MED12L: variants seen among roughly 807,000 people sequenced by gnomAD.
The protein encoded by MED12L is mediator of RNA polymerase II transcription subunit 12-like protein.
Under a neutral mutation model 281.3 loss-of-function variants are expected in MED12L, and 60 were observed. That is an observed-to-expected ratio of 0.21 (90% CI 0.17 to 0.26). The LOEUF is 0.26. MED12L is among the 10% of genes least tolerant of loss of function. The probability of loss-of-function intolerance (pLI) is 1.00; values close to 1 mark genes in which losing one functional copy is unlikely to be tolerated. For missense variants in MED12L, 2,146 were observed against 2,680.9 expected (o/e 0.80, Z 4.41); for synonymous variants, 974 against 987.2 (o/e 0.99, Z 0.25).
chr3:151,399,783 A>T (rs1715432672), intron 39 of MED12L, among the ~76,000 whole-genome samples: 1 of 151,794 alleles, frequency 6.6e-6, no homozygotes, highest in African/African-American at 2.4e-5. Context: ...TCTATCGATC[A>T]TCTAGGGAAG....
At chr3:151,136,650 C>A (rs916693925) in intron 5 of MED12L, among the ~76,000 whole-genome samples, 5 of 152,168 alleles carry the variant, frequency 3.3e-5, no homozygotes, top group Non-Finnish European at 5.9e-5. Context: ...AAAGTTTTAA[C>A]ATCTGTTGAT....
rs143566668 is a variant in MED12L, at chr3:151,405,279, T to C, written c.5821-3964T>C. On this transcript the variant is annotated intron_variant, in intron 39 of 44. Transcript: ENST00000687756. ...AAGTAAAGAGACCATGTGTAGGAATTTACCTCAGGTAGCAATGTAGAGATG... is the reference window on the plus strand; with the variant it reads ...AAGTAAAGAGACCATGTGTAGGAATCTACCTCAGGTAGCAATGTAGAGATG... Among the ~76,000 whole-genome samples the C allele has an allele frequency of 3.3e-3, 505 of 152,302 alleles. 2 individuals carry two copies. Among genetic ancestry groups the C allele is most frequent in the African/African-American group, 0.012 (492 of 41,574 alleles).
At chr3:151,106,299 CCTTTT>C in intron 2 of MED12L, among the ~76,000 whole-genome samples, 1 of 110,054 alleles carries the variant, frequency 9.1e-6, no homozygotes, top group Non-Finnish European at 1.7e-5. Flanking sequence ...TTTTCCTTTT[CCTTTT>C]CCTTCTCCCC....
chr3:151,130,877 A>G (rs920726636), intron 5 of MED12L, among the ~76,000 whole-genome samples: 19 of 152,174 alleles, frequency 1.2e-4, no homozygotes, highest in African/African-American at 4.3e-4. Flanking sequence ...ATCTGTCTAC[A>G]TCCACTCCCA....
At chr3:151,242,255 A>G (rs1396795901) in intron 16 of MED12L, among the ~76,000 whole-genome samples, 1 of 152,236 alleles carries the variant, frequency 6.6e-6, no homozygotes, top group Non-Finnish European at 1.5e-5. Flanking sequence ...GGAAGCTCAA[A>G]CTGGGCGGAG....
At chr3:151,106,749 T>A (rs1722123947) in intron 2 of MED12L, among the ~76,000 whole-genome samples, 1 of 152,218 alleles carries the variant, frequency 6.6e-6, no homozygotes, top group South Asian at 2.1e-4. Flanking sequence ...ATTGACCTTT[T>A]TATCATTATG....
intron 16 of MED12L, chr3:151,278,437 G>A (rs753311026): frequency 5.3e-5 from 8 of 152,132 alleles, no homozygotes; most frequent in Non-Finnish European, 8.8e-5. Flanking sequence ...CAAGATAGTG[G>A]GTCCCTCTGC....
chr3:151,370,625 G>A (rs535650922), intron 26 of MED12L, among the ~76,000 whole-genome samples: 70 of 152,264 alleles, frequency 4.6e-4, no homozygotes, highest in African/African-American at 1.6e-3. Context: ...ATTTCAGTGA[G>A]TAGAATTTCC....
chr3:151,214,150 A>G lies in MED12L; in HGVS notation c.2250+20484A>G, dbSNP rs773712406. On this transcript the variant is annotated intron_variant, in intron 16 of 44. Coordinates refer to ENST00000687756, the MANE Select transcript of MED12L (RefSeq NM_001393769.1). The stretch of plus-strand genomic sequence containing the variant: ...AACAATGTTCTTGAGATAGATGATG[A>G]AACTCTTAGAGCTGGGCACGTAAAA... 2.5e-6 allele frequency: 4 copies of G among 1,614,184 alleles called. No individual in the cohort carries two copies. In the South Asian group the frequency reaches 3.3e-5, roughly 13 times the overall value.
chr3:151,147,711 A>G (rs1310664530), intron 5 of MED12L, among the ~76,000 whole-genome samples: 1 of 152,224 alleles, frequency 6.6e-6, no homozygotes, highest in Non-Finnish European at 1.5e-5. Context: ...TTAGGGCCGA[A>G]TGGTGTTCCA....
At position 151,394,680 on chromosome 3, in the gene MED12L, G is replaced by T. The variant is rs1560120694; in HGVS notation, c.5633G>T (p.Gly1878Val). The stretch of plus-strand genomic sequence containing the variant: ...GGTGGCTCCAGATTGGACCCTGCAG[G>T]CTCCTTTGTCCCAACCAACACCAAA... ...TPGGSRLDPA[G>V]SFVPTNTKQA... The change falls in exon 39 of 45, where the codon GGC becomes GTC. Residue 1878 changes from glycine (G) to valine (V), a missense_variant. Transcript: ENST00000687756. 1.9e-6 allele frequency: 3 copies of T among 1,614,248 alleles called. No individual in the cohort carries two copies. Among genetic ancestry groups the T allele is most frequent in the East Asian group, 2.2e-5 (1 of 44,892 alleles).
At chr3:151,333,304 C>CCTT (rs1238380015) in intron 16 of MED12L, among the ~76,000 whole-genome samples, 1 of 152,162 alleles carries the variant, frequency 6.6e-6, no homozygotes, top group Non-Finnish European at 1.5e-5. Flanking sequence ...TGTTTTAAGT[C>CCTT]CTTTGAGAAA....
intron 16 of MED12L, among the ~76,000 whole-genome samples, chr3:151,325,217 A>T (rs928805738): frequency 6.6e-6 from 1 of 152,148 alleles, no homozygotes; most frequent in Non-Finnish European, 1.5e-5. Flanking sequence ...TCTCTGCCTC[A>T]TCCTTTCCAC....
chr3:151,103,322 A>C (rs752704839), intron 2 of MED12L, among the ~76,000 whole-genome samples: 1 of 152,222 alleles, frequency 6.6e-6, no homozygotes, highest in Non-Finnish European at 1.5e-5. Flanking sequence ...TGAATTAATT[A>C]ATGGGATACA....
intron 16 of MED12L, among the ~76,000 whole-genome samples, chr3:151,223,242 G>T (rs1178509266): frequency 6.6e-6 from 1 of 150,874 alleles, no homozygotes; most frequent in Non-Finnish European, 1.5e-5. Flanking sequence ...TACTCTTGTG[G>T]GATTGTAAAT....
rs202032115 is a variant in MED12L, at chr3:151,372,699, G to A, written c.3797G>A (p.Ser1266Asn). 3.1e-5 allele frequency: 50 copies of A among 1,613,928 alleles called. 2 individuals are homozygous for A. Among genetic ancestry groups the A allele is most frequent in the Admixed American group, 2.5e-4 (15 of 60,004 alleles). ...CAAAATCCAAAATCCTGTGGGAAAA[G>A]CATTTCCATAGAAACTGCCAATTTA... ...ASQNPKSCGK[S>N]ISIETANLRE... The change falls in exon 27 of 45, where the codon AGC (serine) becomes AAC (asparagine). Residue 1266 changes from serine to asparagine, a missense_variant. Ser to Asn is a conservative substitution (Grantham distance 46). This residue lies in a region of MED12L where 235 missense variants were observed against 260.3 expected (regional missense o/e 0.90). Transcript: ENST00000687756.
Position 151,434,236 on chromosome 3 carries a change from G to A in MED12L, c.*1432G>A, listed in dbSNP as rs1188667756. On this transcript the variant is annotated 3_prime_UTR_variant, in exon 45 of 45. Coordinates refer to ENST00000687756, the MANE Select transcript of MED12L (RefSeq NM_001393769.1). ...CATGTAAATCTACTTTTTTTAAAAT[G>A]TAGCTAGTACAACTTTAGTAGACAT... 1 of 152,086 alleles carries A rather than the reference G, an allele frequency of 6.6e-6. No individual in the cohort carries two copies. Among genetic ancestry groups the A allele is most frequent in the African/African-American group, 2.4e-5 (1 of 41,410 alleles). The allele number at this position is 152,086 out of a possible 1,614,324, so 9.4% of individuals were successfully genotyped here. A position where few individuals can be genotyped will look rare whatever the true frequency, so the allele number is the denominator to read the frequency against.
intron 39 of MED12L, among the ~76,000 whole-genome samples, chr3:151,408,142 T>C (rs754869557): frequency 6.6e-6 from 1 of 152,214 alleles, no homozygotes; most frequent in Non-Finnish European, 1.5e-5. Context: ...CTGGGCAAGT[T>C]TGCTAAGTTG....
intron 40 of MED12L, among the ~76,000 whole-genome samples, chr3:151,409,697 G>T (rs1470670107): frequency 1.3e-5 from 2 of 152,254 alleles, no homozygotes; most frequent in Admixed American, 1.3e-4. Context: ...AGTGGCTCAT[G>T]CCTGTAATCT....
Sources: allele counts gnomAD v4.1 joint callset (sites outside exome capture counted in the v4.1 genomes callset), GRCh38; gene constraint gnomAD v4.1.1; regional missense constraint gnomAD v4.1.1; transcripts MANE v1.5; gene names NCBI Gene and HGNC (gene_info 2026-07-23, HGNC 2026-07-21).